Variants in NRXN3 observed in about 807,000 individuals in gnomAD.
The protein encoded by NRXN3 is neurexin III.
Under a neutral mutation model 137.6 loss-of-function variants are expected in NRXN3, and 32 were observed. The observed-to-expected ratio is 0.23, with a 90% confidence interval of 0.18 to 0.31. The LOEUF (loss-of-function observed/expected upper bound fraction) is 0.31. Ranked by LOEUF, NRXN3 falls within the 10% of genes least tolerant of loss-of-function variation. The pLI is 1.00. For synonymous variants in NRXN3, 798 were observed against 784.5 expected (o/e 1.02, Z -0.29); for missense variants, 1,574 against 2,062.5 (o/e 0.76, Z 4.59).
At chr14:79,172,182 A>G (rs1185552797) in intron 15 of NRXN3, among the ~76,000 whole-genome samples, 2 of 113,612 alleles carry the variant, frequency 1.8e-5, no homozygotes, top group Non-Finnish European at 4.2e-5. Flanking sequence ...AGAAACAATA[A>G]CTTGCTAGGG....
chr14:79,378,049 G>T (rs2094357116), intron 15 of NRXN3, among the ~76,000 whole-genome samples: 1 of 152,158 alleles, frequency 6.6e-6, no homozygotes, highest in Non-Finnish European at 1.5e-5. Flanking sequence ...ATGGCCTCAG[G>T]CTAATGACCC....
chr14:79,342,244 G>A (rs2092645443), intron 15 of NRXN3, among the ~76,000 whole-genome samples: 1 of 152,134 alleles, frequency 6.6e-6, no homozygotes, highest in Non-Finnish European at 1.5e-5. Flanking sequence ...CAGTTTGAGA[G>A]CAAAGGTCAG....
intron 16 of NRXN3, among the ~76,000 whole-genome samples, chr14:79,488,378 C>T (rs952594132): frequency 2.0e-5 from 3 of 152,088 alleles, no homozygotes; most frequent in Admixed American, 1.3e-4. Context: ...GAGATTGCAA[C>T]TCAAATACTT....
At chr14:79,631,300 C>T (rs535019899) in intron 16 of NRXN3, among the ~76,000 whole-genome samples, 24 of 152,384 alleles carry the variant, frequency 1.6e-4, no homozygotes, top group South Asian at 8.3e-4. Context: ...GAGGTGACAA[C>T]GTGCTAGCAG....
intron 15 of NRXN3, among the ~76,000 whole-genome samples, chr14:79,033,933 T>C (rs1406923536): frequency 6.6e-6 from 1 of 152,092 alleles, no homozygotes; most frequent in Non-Finnish European, 1.5e-5. Context: ...CCTGTCTCCA[T>C]ATAAATATTT....
intron 8 of NRXN3, among the ~76,000 whole-genome samples, chr14:78,760,630 CTT>C (rs2098689305): frequency 6.6e-6 from 1 of 151,454 alleles, no homozygotes; most frequent in African/African-American, 2.4e-5. Context: ...AGAGTTTAGA[CTT>C]TTTGTTTAGC....
At chr14:79,167,658 T>C (rs2061398983) in intron 15 of NRXN3, among the ~76,000 whole-genome samples, 1 of 152,040 alleles carries the variant, frequency 6.6e-6, no homozygotes. Flanking sequence ...TGATGTCTAA[T>C]TGCAGGTTAC....
intron 2 of NRXN3, among the ~76,000 whole-genome samples, chr14:78,250,853 G>C (rs1426079762): frequency 6.6e-6 from 1 of 152,164 alleles, no homozygotes; most frequent in African/African-American, 2.4e-5. Flanking sequence ...ATGGAGCATT[G>C]CCTCCCTGGA....
chr14:79,197,293 G>A (rs2065262686), intron 15 of NRXN3, among the ~76,000 whole-genome samples: 1 of 152,208 alleles, frequency 6.6e-6, no homozygotes, highest in Non-Finnish European at 1.5e-5. Flanking sequence ...TAGCCCTGCT[G>A]TAACCAGCTG....
chr14:79,632,168 C>G (rs967748452), intron 16 of NRXN3: 1 of 153,886 alleles, frequency 6.5e-6, no homozygotes, highest in Non-Finnish European at 1.4e-5. Context: ...AGCTTCACTC[C>G]TGAAGCCAGC....
chr14:78,632,091 G>A (rs578167867), intron 4 of NRXN3, among the ~76,000 whole-genome samples: 9 of 149,580 alleles, frequency 6.0e-5, no homozygotes, highest in Admixed American at 2.0e-4. Context: ...TCCAGCCTGG[G>A]CGACAGAGCG....
At chr14:79,606,753 A>G (rs755109042) in intron 16 of NRXN3, among the ~76,000 whole-genome samples, 2 of 152,232 alleles carry the variant, frequency 1.3e-5, no homozygotes, top group African/African-American at 4.8e-5. Context: ...TATATAATCC[A>G]GAGTCACGGT....
chr14:79,256,090 C>T (rs2076530104), intron 15 of NRXN3, among the ~76,000 whole-genome samples: 2 of 151,652 alleles, frequency 1.3e-5, no homozygotes, highest in South Asian at 4.2e-4. Flanking sequence ...TATGTCCATC[C>T]CTCCTCTCTC....
chr14:79,656,616 C>CTT (rs58620442), intron 16 of NRXN3, among the ~76,000 whole-genome samples: 18 of 137,848 alleles, frequency 1.3e-4, no homozygotes, highest in South Asian at 2.3e-4. Context: ...CTCTCTCTCT[C>CTT]TTTTTTTTTT....
rs115837659 is a variant in NRXN3 at position 78,546,529 on chromosome 14, A to C, written c.758-98591A>C. Among the ~76,000 whole-genome samples, 516 of 152,294 alleles carry C rather than the reference A, an allele frequency of 3.4e-3. 4 individuals carry two copies. Among genetic ancestry groups the C allele is most frequent in the African/African-American group, 0.012 (490 of 41,576 alleles). ...TCTGTTTTTAACTTTCACATCTTCT[A>C]ATTTCCAGTCTTCGTAGAGAATGTT... is the stretch of plus-strand genomic sequence containing the variant. On this transcript the variant is annotated intron_variant, in intron 4 of 20. Coordinates refer to ENST00000335750, the MANE Select transcript of NRXN3 (RefSeq NM_001330195.2).
intron 16 of NRXN3, among the ~76,000 whole-genome samples, chr14:79,612,034 T>C (rs2098109867): frequency 6.6e-6 from 1 of 152,180 alleles, no homozygotes; most frequent in Admixed American, 6.5e-5. Flanking sequence ...TATGCTATGG[T>C]AATAAGACAC....
chr14:79,480,799 G>T (rs1199993219), intron 16 of NRXN3, among the ~76,000 whole-genome samples: 1 of 152,038 alleles, frequency 6.6e-6, no homozygotes, highest in Non-Finnish European at 1.5e-5. Context: ...GTGTAAAAGT[G>T]TGTAGCACCT....
intron 4 of NRXN3, among the ~76,000 whole-genome samples, chr14:78,309,470 A>G (rs145689095): frequency 6.6e-6 from 1 of 151,736 alleles, no homozygotes; most frequent in African/African-American, 2.4e-5. Context: ...TCCACCCTCA[A>G]GTAGTCCCTG....
At chr14:79,459,321 G>A (rs1025455785) in intron 15 of NRXN3, among the ~76,000 whole-genome samples, 2 of 152,150 alleles carry the variant, frequency 1.3e-5, no homozygotes, top group East Asian at 3.9e-4. Context: ...TGAATGTGGT[G>A]TAATTCATCG....
Sources: allele counts gnomAD v4.1 joint callset (sites outside exome capture counted in the v4.1 genomes callset), GRCh38; gene constraint gnomAD v4.1.1; transcripts MANE v1.5; gene names NCBI Gene and HGNC (gene_info 2026-07-23, HGNC 2026-07-21).